DSCAM: variants seen among roughly 807,000 people sequenced by gnomAD.
The protein encoded by DSCAM is cell adhesion molecule DSCAM.
DSCAM carries 47 observed loss-of-function variants against 217.7 expected under a neutral mutation model. The ratio of observed to expected loss-of-function variants is 0.22; its 90% CI spans 0.17 to 0.28. The LOEUF is 0.28. Among genes scored for constraint, DSCAM ranks in the 10% least tolerant of loss-of-function variants. The pLI is 1.00. For synonymous variants in DSCAM, 1,056 were observed against 1,015.3 expected (o/e 1.04, Z -0.76); for missense variants, 2,080 against 2,618.3 (o/e 0.79, Z 4.49).
intron 10 of DSCAM, among the ~76,000 whole-genome samples, chr21:40,294,248 T>C (rs1435674384): frequency 1.3e-5 from 2 of 152,130 alleles, no homozygotes; most frequent in Admixed American, 6.5e-5. Flanking sequence ...TCCAAATAAA[T>C]AAGACATAGA....
At chr21:40,837,884 A>G (rs1292622081) in intron 1 of DSCAM, among the ~76,000 whole-genome samples, 1 of 152,208 alleles carries the variant, frequency 6.6e-6, no homozygotes, top group African/African-American at 2.4e-5. Flanking sequence ...CTACCCTGCA[A>G]GCTACATATC....
chr21:40,376,644 A>T (rs1385889481), intron 3 of DSCAM, among the ~76,000 whole-genome samples: 1 of 142,766 alleles, frequency 7.0e-6, no homozygotes, highest in Non-Finnish European at 1.5e-5. Context: ...TCTTATATAG[A>T]TATCGATATC....
chr21:40,673,210 T>C (rs73905049), intron 3 of DSCAM, among the ~76,000 whole-genome samples: 45 of 152,286 alleles, frequency 3.0e-4, no homozygotes, highest in African/African-American at 7.9e-4. Context: ...TGTTCCATCT[T>C]TCCTTCCACT....
At chr21:40,584,085 G>A (rs941315372) in intron 3 of DSCAM, among the ~76,000 whole-genome samples, 9 of 152,120 alleles carry the variant, frequency 5.9e-5, no homozygotes, top group African/African-American at 2.2e-4. Flanking sequence ...AGTCAGAAAA[G>A]ACCTCATTTG....
chr21:40,527,189 C>T (rs1329195261), intron 3 of DSCAM, among the ~76,000 whole-genome samples: 1 of 152,122 alleles, frequency 6.6e-6, no homozygotes, highest in Non-Finnish European at 1.5e-5. Flanking sequence ...GCCACACTGC[C>T]TTCAGACAAA....
In DSCAM at chr21:40,214,962, G is replaced by C. The variant is rs200599867; in HGVS notation, c.2357-25724C>G. Among the ~76,000 whole-genome samples, 8 of 32,104 alleles carry C rather than the reference G, an allele frequency of 2.5e-4. 1 individual carries two copies. Among genetic ancestry groups the C allele is most frequent in the African/African-American group, 6.7e-4 (8 of 11,998 alleles). 21.1% of individuals were successfully genotyped at this position (32,104 alleles called of 152,430 possible). A position where few individuals can be genotyped will look rare whatever the true frequency, so the allele number is the denominator to read the frequency against. On this transcript the variant is annotated intron_variant, in intron 11 of 32. Coordinates refer to ENST00000400454, the MANE Select transcript of DSCAM (RefSeq NM_001389.5). ...GTAAAGATATGGAATCCTCACGCCT[G>C]TAATCCCAGCACTTTGGGAGGCCGA...
intron 4 of DSCAM, among the ~76,000 whole-genome samples, chr21:40,358,757 A>G (rs974409910): frequency 2.0e-5 from 3 of 151,114 alleles, no homozygotes; most frequent in African/African-American, 7.3e-5. Context: ...AGCCAAGATC[A>G]TGCCACTGCA....
At chr21:40,213,561 T>C (rs1449734457) in intron 11 of DSCAM, among the ~76,000 whole-genome samples, 1 of 152,234 alleles carries the variant, frequency 6.6e-6, no homozygotes, top group African/African-American at 2.4e-5. Context: ...TAGAAAATTC[T>C]AATTTAAATT....
At chr21:40,544,916 C>CA (rs376609606) in intron 3 of DSCAM, among the ~76,000 whole-genome samples, 13,411 of 130,482 alleles carry the variant, frequency 0.1, 1,192 homozygotes, top group African/African-American at 0.25. Flanking sequence ...TAAAAGTTTC[C>CA]AAAAAAAAAA....
At chr21:40,427,415 C>A (rs894784631) in intron 3 of DSCAM, among the ~76,000 whole-genome samples, 1 of 152,192 alleles carries the variant, frequency 6.6e-6, no homozygotes, top group East Asian at 1.9e-4. Flanking sequence ...TTAATGGGAG[C>A]TTTGTTACCA....
intron 8 of DSCAM, among the ~76,000 whole-genome samples, chr21:40,313,067 C>T (rs10211903): frequency 0.048 from 7,092 of 147,970 alleles, 214 homozygotes; most frequent in Non-Finnish European, 0.072. Context: ...CAGTAAGCTA[C>T]GAGGGCACCA....
At chr21:40,387,114 T>C (rs1353295002) in intron 3 of DSCAM, among the ~76,000 whole-genome samples, 1 of 152,172 alleles carries the variant, frequency 6.6e-6, no homozygotes, top group East Asian at 1.9e-4. Flanking sequence ...AAATCTAACA[T>C]TGACTTAAAT....
intron 3 of DSCAM, among the ~76,000 whole-genome samples, chr21:40,447,790 T>G (rs1001410366): frequency 6.6e-6 from 1 of 152,234 alleles, no homozygotes; most frequent in African/African-American, 2.4e-5. Flanking sequence ...AGACAGCTTA[T>G]CTGTGGTAGG....
intron 3 of DSCAM, among the ~76,000 whole-genome samples, chr21:40,590,576 T>A (rs2076977003): frequency 6.6e-6 from 1 of 152,232 alleles, no homozygotes; most frequent in African/African-American, 2.4e-5. Context: ...ATAGTGCTGG[T>A]GACAGTAACC....
At chr21:40,022,244 T>C (rs763951868) in intron 32 of DSCAM, among the ~76,000 whole-genome samples, 4 of 152,150 alleles carry the variant, frequency 2.6e-5, no homozygotes, top group African/African-American at 9.7e-5. Context: ...GACATTTTGA[T>C]TGTCATAACA....
intron 3 of DSCAM, among the ~76,000 whole-genome samples, chr21:40,640,908 C>T (rs553055487): frequency 2.0e-5 from 3 of 152,242 alleles, no homozygotes; most frequent in South Asian, 2.1e-4. Flanking sequence ...AGAACTTCTA[C>T]GGTGTTTTAC....
intron 16 of DSCAM, among the ~76,000 whole-genome samples, chr21:40,153,976 G>A (rs920226289): frequency 6.6e-6 from 1 of 152,132 alleles, no homozygotes; most frequent in African/African-American, 2.4e-5. Flanking sequence ...TCCTGGTCTT[G>A]GGAGTAATTT....
intron 10 of DSCAM, among the ~76,000 whole-genome samples, chr21:40,282,205 A>G (rs1354941658): frequency 6.6e-6 from 1 of 152,202 alleles, no homozygotes; most frequent in Admixed American, 6.5e-5. Context: ...TCGTTCCCAA[A>G]GTTGACTGTA....
intron 3 of DSCAM, among the ~76,000 whole-genome samples, chr21:40,577,713 T>C (rs995106461): frequency 1.4e-4 from 22 of 152,080 alleles, no homozygotes; most frequent in Non-Finnish European, 3.2e-4. Flanking sequence ...GGGGTCTAGT[T>C]AGAACAATTT....
Sources: gnomAD v4.1 joint callset for allele counts (sites outside exome capture counted in the v4.1 genomes callset) on GRCh38, gnomAD v4.1.1 for gene constraint, MANE v1.5 for transcripts, NCBI Gene and HGNC (gene_info 2026-07-23, HGNC 2026-07-21) for gene names.